Variants in MAML2 observed in about 807,000 individuals in gnomAD.
The protein encoded by MAML2 is mastermind-like protein 2.
Under a neutral mutation model 96.1 loss-of-function variants are expected in MAML2, and 22 were observed. The observed-to-expected ratio is 0.23, with a 90% CI of 0.16 to 0.33. The LOEUF is 0.33. Ranked by LOEUF, MAML2 falls within the 10% of genes least tolerant of loss-of-function variation. The pLI is 1.00. For missense variants in MAML2, 1,367 were observed against 1,392.4 expected, an observed-to-expected ratio of 0.98 and a Z score of 0.29; for synonymous variants, 561 against 521.3, an observed-to-expected ratio of 1.08 and a Z score of -1.04.
chr11:95,998,924 T>C (rs545910899), intron 2 of MAML2, among the ~76,000 whole-genome samples: 54 of 152,286 alleles, frequency 3.5e-4, no homozygotes, highest in African/African-American at 1.3e-3. Flanking sequence ...CTCACTGAGG[T>C]TGCAATCTAT....
At chr11:96,112,548 A>G (rs1279977185) in intron 1 of MAML2, among the ~76,000 whole-genome samples, 1 of 152,252 alleles carries the variant, frequency 6.6e-6, no homozygotes, top group African/African-American at 2.4e-5. Context: ...TTGTGTGAAG[A>G]TCATTTCAGT....
intron 1 of MAML2, among the ~76,000 whole-genome samples, chr11:96,307,747 A>G (rs546673007): frequency 7.8e-4 from 119 of 152,286 alleles, no homozygotes; most frequent in African/African-American, 2.6e-3. Context: ...TTCAGATTCA[A>G]ATAACATCCT....
rs541180086 is a variant in MAML2 at position 96,212,581 on chromosome 11, C to A, written c.514-119064G>T. Among the ~76,000 whole-genome samples the A allele has an allele frequency of 3.3e-5, 5 of 152,280 alleles. No individual in the cohort carries two copies. The South Asian group carries it at 1.0e-3, about 32-fold the overall frequency. On this transcript the variant is annotated intron_variant, in intron 1 of 4. Coordinates refer to ENST00000524717, the MANE Select transcript of MAML2 (RefSeq NM_032427.4). The stretch of plus-strand genomic sequence containing the variant: ...TATCAGTCAGCAGCAGTGGGTGAGC[C>A]TCCTCTCAAGAGACAAGGCTGCTAA...
chr11:96,025,622 C>T (rs1417798584), intron 2 of MAML2, among the ~76,000 whole-genome samples: 5 of 152,182 alleles, frequency 3.3e-5, no homozygotes, highest in Non-Finnish European at 5.9e-5. Context: ...GGCACAATCT[C>T]GGCTCACTGC....
intron 2 of MAML2, among the ~76,000 whole-genome samples, chr11:96,042,744 C>CT (rs767509829): frequency 0.38 from 44,441 of 116,014 alleles, 10,301 homozygotes; most frequent in Non-Finnish European, 0.47. Context: ...CGTTAACGTT[C>CT]TTTTTTTTTT....
chr11:96,000,642 T>C (rs1459195629), intron 2 of MAML2, among the ~76,000 whole-genome samples: 2 of 152,188 alleles, frequency 1.3e-5, no homozygotes, highest in Non-Finnish European at 2.9e-5. Context: ...ATAAAATCTG[T>C]TTACATTAGC....
At chr11:96,146,004 G>A (rs995837285) in intron 1 of MAML2, among the ~76,000 whole-genome samples, 47 of 151,634 alleles carry the variant, frequency 3.1e-4, no homozygotes, top group African/African-American at 1.0e-3. Flanking sequence ...GCAAGACTCC[G>A]TCTCAAAAAA....
At chr11:96,163,311 T>C (rs952203108) in intron 1 of MAML2, among the ~76,000 whole-genome samples, 3 of 152,230 alleles carry the variant, frequency 2.0e-5, no homozygotes, top group African/African-American at 7.2e-5. Flanking sequence ...AGGCCTTCAG[T>C]AGAGTTGATG....
intron 2 of MAML2, among the ~76,000 whole-genome samples, chr11:96,055,758 T>G (rs556409018): frequency 6.6e-6 from 1 of 152,118 alleles, no homozygotes; most frequent in Admixed American, 6.5e-5. Context: ...TTAGTAAACA[T>G]CAATCTTAGG....
At chr11:96,060,483 T>A (rs10501838) in intron 2 of MAML2, among the ~76,000 whole-genome samples, 22,945 of 152,126 alleles carry the variant, frequency 0.15, 1,863 homozygotes, top group South Asian at 0.21. Context: ...CTATTTATGT[T>A]ATCGCCCAGT....
At chr11:96,241,797 T>C (rs1046294058) in intron 1 of MAML2, among the ~76,000 whole-genome samples, 6 of 152,222 alleles carry the variant, frequency 3.9e-5, no homozygotes, top group Non-Finnish European at 8.8e-5. Context: ...GTTAGACTTG[T>C]GGAAGTTTTC....
intron 2 of MAML2, among the ~76,000 whole-genome samples, chr11:96,073,886 G>T (rs186341324): frequency 1.3e-5 from 2 of 152,080 alleles, no homozygotes. Flanking sequence ...TTCTGTGGAC[G>T]TGTGTTCATT....
At chr11:96,033,968 C>T (rs937778662) in intron 2 of MAML2, among the ~76,000 whole-genome samples, 1 of 152,134 alleles carries the variant, frequency 6.6e-6, no homozygotes, top group Non-Finnish European at 1.5e-5. Context: ...ATAGAAAACA[C>T]TTTACAAAGG....
At chr11:96,006,992 A>G (rs1242997034) in intron 2 of MAML2, among the ~76,000 whole-genome samples, 1 of 151,194 alleles carries the variant, frequency 6.6e-6, no homozygotes. Flanking sequence ...AATTATTTCT[A>G]GATATCAATC....
intron 2 of MAML2, among the ~76,000 whole-genome samples, chr11:96,047,217 A>T (rs1346570900): frequency 6.6e-6 from 1 of 152,118 alleles, no homozygotes; most frequent in Non-Finnish European, 1.5e-5. Context: ...TTAATAGCTA[A>T]TTAAATAGTT....
intron 1 of MAML2, among the ~76,000 whole-genome samples, chr11:96,146,948 A>C (rs929832421): frequency 6.6e-5 from 10 of 152,170 alleles, no homozygotes; most frequent in African/African-American, 2.4e-4. Context: ...CTGAAAATGA[A>C]AGGCCATGTG....
chr11:96,158,344 C>T (rs942154814), intron 1 of MAML2, among the ~76,000 whole-genome samples: 1 of 152,266 alleles, frequency 6.6e-6, no homozygotes, highest in South Asian at 2.1e-4. Context: ...TGACCAGGCC[C>T]ACACATAGAG....
At chr11:95,986,048 T>C (rs1185181450) in intron 3 of MAML2, among the ~76,000 whole-genome samples, 8 of 152,208 alleles carry the variant, frequency 5.3e-5, no homozygotes, top group Non-Finnish European at 1.2e-4. Flanking sequence ...AAATGAGTGA[T>C]AGCTACTTCT....
intron 2 of MAML2, among the ~76,000 whole-genome samples, chr11:96,050,082 T>C (rs1858967000): frequency 6.6e-6 from 1 of 152,194 alleles, no homozygotes; most frequent in Non-Finnish European, 1.5e-5. Context: ...TATTCCATTT[T>C]ACCCTCAAAA....
Sources: allele counts gnomAD v4.1 joint callset (sites outside exome capture counted in the v4.1 genomes callset), GRCh38; gene constraint gnomAD v4.1.1; transcripts MANE v1.5; gene names NCBI Gene and HGNC (gene_info 2026-07-23, HGNC 2026-07-21).